Variants in TRPC4AP observed in about 807,000 individuals in gnomAD.
TRPC4AP encodes short transient receptor potential channel 4-associated protein.
Under a neutral mutation model 99.0 loss-of-function variants are expected in TRPC4AP, and 45 were observed. That is an observed-to-expected ratio of 0.45 (90% confidence interval 0.36 to 0.58). TRPC4AP has a LOEUF of 0.58. Among genes scored for constraint, TRPC4AP ranks in the 20% least tolerant of loss-of-function variants. TRPC4AP has a pLI of 0.00. For synonymous variants in TRPC4AP, 408 were observed against 385.8 expected, an observed-to-expected ratio of 1.06 and a Z score of -0.67; for missense variants, 879 against 985.3, an observed-to-expected ratio of 0.89 and a Z score of 1.44.
chr20:35,055,911 T>G (rs1383880660), intron 4 of TRPC4AP, among the ~76,000 whole-genome samples: 1 of 152,214 alleles, frequency 6.6e-6, no homozygotes, highest in African/African-American at 2.4e-5. Context: ...GAAACTTAAT[T>G]TTCATGAGCC....
intron 7 of TRPC4AP, among the ~76,000 whole-genome samples, chr20:35,036,527 G>C (rs4911460): frequency 1.3e-5 from 2 of 152,016 alleles, no homozygotes; most frequent in South Asian, 4.1e-4. Flanking sequence ...TGGCAGTTAC[G>C]TTTCTTAAAA....
intron 9 of TRPC4AP, 71 bp downstream of exon 9, chr20:35,021,119 G>A (rs914295521): frequency 3.9e-6 from 6 of 1,524,218 alleles, no homozygotes; most frequent in Admixed American, 1.8e-5. Flanking sequence ...GCCCAGTGGA[G>A]CACCTGGCAT....
At chr20:35,089,743 G>T (rs1285380354) in intron 1 of TRPC4AP, among the ~76,000 whole-genome samples, 1 of 152,132 alleles carries the variant, frequency 6.6e-6, no homozygotes, top group Non-Finnish European at 1.5e-5. Flanking sequence ...CAGCTACTCA[G>T]GAGGCTGAGG....
intron 12 of TRPC4AP, 21 bp from the exon 13 acceptor site, chr20:35,008,768 T>C: frequency 6.2e-7 from 1 of 1,609,446 alleles, no homozygotes; most frequent in African/African-American, 1.3e-5. Flanking sequence ...AGAGAGATAT[T>C]GGTGACAGAT....
chr20:35,033,411 A>G (rs995264571), intron 8 of TRPC4AP, among the ~76,000 whole-genome samples: 2 of 152,156 alleles, frequency 1.3e-5, no homozygotes, highest in African/African-American at 4.8e-5. Flanking sequence ...ACATTGAGCC[A>G]GGCTGTCTTT....
At chr20:35,018,102 G>A (rs1002498123) in intron 9 of TRPC4AP, among the ~76,000 whole-genome samples, 7 of 152,212 alleles carry the variant, frequency 4.6e-5, no homozygotes, top group African/African-American at 1.2e-4. Flanking sequence ...TTCCAACAAT[G>A]GCCCAAAAAA....
chr20:35,061,503 A>G (rs1170072065), intron 3 of TRPC4AP, among the ~76,000 whole-genome samples: 1 of 152,202 alleles, frequency 6.6e-6, no homozygotes, highest in Admixed American at 6.5e-5. Flanking sequence ...ACATGCAAAT[A>G]TAAGGGATGC....
In TRPC4AP at chr20:35,028,962, C is replaced by T. The variant is rs1010569752; in HGVS notation, c.1051+6161G>A. Among the ~76,000 whole-genome samples, 14 of 152,260 alleles carry T rather than the reference C, an allele frequency of 9.2e-5. No homozygotes were observed. In the East Asian group the frequency reaches 2.7e-3, roughly 29 times the overall value. ...AGTTTTTGTTTTAAAGTCTCTCCAG[C>T]TTTTTTGGCTGGGTGGTGGTGGCTC... is the stretch of plus-strand genomic sequence containing the variant. On this transcript the variant is annotated intron_variant, in intron 8 of 18. Transcript: ENST00000252015.
Position 35,036,960 on chromosome 20 carries a change from AACACAC to A in TRPC4AP, c.866-1658_866-1653del, listed in dbSNP as rs34177220. 6.0e-5 allele frequency among the ~76,000 whole-genome samples: 9 copies of A among 149,666 alleles called. No homozygotes were observed. The East Asian group carries it at 7.8e-4, about 13-fold the overall frequency. On this transcript the variant is annotated intron_variant, in intron 7 of 18. Transcript: ENST00000252015. ...CTCTGTCTCAACGCGTGCGCACACA[AACACAC>A]ACACACACACACACCCCTCCCATAA...
chr20:35,015,070 G>C (rs2082718633), intron 10 of TRPC4AP, among the ~76,000 whole-genome samples: 1 of 152,138 alleles, frequency 6.6e-6, no homozygotes, highest in Non-Finnish European at 1.5e-5. Flanking sequence ...CTTGATCTTA[G>C]TTCACTGCAA....
At position 35,021,451 on chromosome 20, in the gene TRPC4AP, C is replaced by G. The variant is rs1011631907; in HGVS notation, c.1052-95G>C. 1.1e-5 allele frequency: 15 copies of G among 1,409,812 alleles called. No individual in the cohort carries two copies. The African/African-American group carries it at 2.1e-4, about 20-fold the overall frequency. The allele number at this position is 1,409,812 out of a possible 1,614,324, so 87.3% of individuals were successfully genotyped here. ...GCTCTGAACAGACTTGTAGCATGGC[C>G]ATTCGGCTGGGCCATGAGCCCAAAA... On this transcript the variant is annotated intron_variant, in intron 8 of 18. Coordinates refer to ENST00000252015, the MANE Select transcript of TRPC4AP (RefSeq NM_015638.3).
At chr20:35,049,809 G>A (rs1305564686) in intron 6 of TRPC4AP, 57 bp downstream of exon 6, 8 of 1,546,154 alleles carry the variant, frequency 5.2e-6, no homozygotes, top group Middle Eastern at 3.5e-4. Context: ...TCAGTTTTGA[G>A]AATCCAATGG....
At chr20:35,043,530 A>T (rs2083489374) in intron 7 of TRPC4AP, among the ~76,000 whole-genome samples, 1 of 152,122 alleles carries the variant, frequency 6.6e-6, no homozygotes, top group Non-Finnish European at 1.5e-5. Flanking sequence ...TACAGGCGTT[A>T]AGCCACCGTG....
rs113267371 is a variant in TRPC4AP, at chr20:35,092,631, G to A, written c.151C>T (p.Leu51=). The A allele has an allele frequency of 7.0e-7, 1 of 1,432,310 alleles. No homozygotes were observed. 88.7% of individuals were successfully genotyped at this position (1,432,310 alleles called of 1,614,324 possible). Reference sequence around the variant, plus strand: ...CCTCGTACCTGCACCGCCCGGACCAGGCCCCGGCCGGTCAGCTGGCCCTGC... The same window carrying A: ...CCTCGTACCTGCACCGCCCGGACCAAGCCCCGGCCGGTCAGCTGGCCCTGC... ...LRQGQLTGRG[L]VRAVQFTETF... Residue 51 remains leucine, a synonymous_variant, in exon 1 of 19, where the codon CTG becomes TTG. Coordinates refer to ENST00000252015, the MANE Select transcript of TRPC4AP (RefSeq NM_015638.3).
At chr20:35,013,509 C>G (rs1024481622) in intron 10 of TRPC4AP, among the ~76,000 whole-genome samples, 5 of 151,984 alleles carry the variant, frequency 3.3e-5, no homozygotes, top group Non-Finnish European at 7.4e-5. Flanking sequence ...ACCTGGGAGG[C>G]GGAAGTTGCA....
chr20:35,062,219 C>T (rs1161300484), intron 3 of TRPC4AP, among the ~76,000 whole-genome samples: 1 of 152,186 alleles, frequency 6.6e-6, no homozygotes, highest in African/African-American at 2.4e-5. Context: ...AATGGTGCAG[C>T]TGCTTCAGAA....
chr20:35,018,766 T>A (rs942211947), intron 9 of TRPC4AP, among the ~76,000 whole-genome samples: 2 of 152,150 alleles, frequency 1.3e-5, no homozygotes, highest in Non-Finnish European at 2.9e-5. Context: ...CGAGATGAAG[T>A]GCCACTCTAC....
rs59909520 is a variant in TRPC4AP, at chr20:35,003,304, TG to T, written c.2257-22del. Reference sequence around the variant, plus strand: ...GAGCTCTGGGCAAAGAGGGAGGGGCTGGGGGGCGCCTGGAGGACCCAGGTCA... The same window carrying T: ...GAGCTCTGGGCAAAGAGGGAGGGGCTGGGGGCGCCTGGAGGACCCAGGTCA... On this transcript the variant is annotated intron_variant, in intron 18 of 18. Coordinates refer to ENST00000252015, the MANE Select transcript of TRPC4AP (RefSeq NM_015638.3). The T allele has an allele frequency of 8.1e-6, 13 of 1,613,606 alleles. No homozygotes were observed. In the African/African-American group the frequency reaches 1.2e-4, roughly 15 times the overall value.
intron 7 of TRPC4AP, among the ~76,000 whole-genome samples, chr20:35,042,808 G>C (rs1461053524): frequency 6.6e-6 from 1 of 152,188 alleles, no homozygotes. Context: ...AGGTGGGCTA[G>C]ATTGGTTAGA....
Sources: gnomAD v4.1 joint callset for allele counts (sites outside exome capture counted in the v4.1 genomes callset) on GRCh38, gnomAD v4.1.1 for gene constraint, MANE v1.5 for transcripts, NCBI Gene and HGNC (gene_info 2026-07-23, HGNC 2026-07-21) for gene names.